The following RAP1A variants were observed in gnomAD, a reference collection of about 807,000 sequenced individuals.
RAP1A encodes the protein ras-related protein Rap-1A.
A neutral mutation model predicts 26.4 loss-of-function variants in RAP1A; 6 were observed. The observed-to-expected ratio is 0.23, with a 90% CI of 0.12 to 0.45. The LOEUF is 0.45. Among genes scored for constraint, RAP1A ranks in the 20% least tolerant of loss-of-function variants. RAP1A has a pLI of 0.99. For missense variants in RAP1A, 121 were observed against 217.2 expected, an observed-to-expected ratio of 0.56 and a Z score of 2.78; for synonymous variants, 73 against 79.4, an observed-to-expected ratio of 0.92 and a Z score of 0.43.
At chr1:111,638,601 T>A (rs1437507735) in intron 1 of RAP1A, among the ~76,000 whole-genome samples, 1 of 152,158 alleles carries the variant, frequency 6.6e-6, no homozygotes, top group African/African-American at 2.4e-5. Flanking sequence ...ACTTTTTGTA[T>A]TTTTTGTAGA....
intron 6 of RAP1A, among the ~76,000 whole-genome samples, chr1:111,708,599 A>C (rs758610433): frequency 6.6e-6 from 1 of 152,218 alleles, no homozygotes; most frequent in Admixed American, 6.5e-5. Flanking sequence ...ACAAAATTGG[A>C]ATTTGCTCTG....
At chr1:111,653,533 GA>G (rs1660345828) in intron 1 of RAP1A, among the ~76,000 whole-genome samples, 1 of 151,654 alleles carries the variant, frequency 6.6e-6, no homozygotes, top group African/African-American at 2.4e-5. Context: ...AAATACAAAA[GA>G]TTAGCTGGGC....
intron 1 of RAP1A, chr1:111,627,396 T>C (rs1399697023): frequency 4.6e-5 from 7 of 152,182 alleles, no homozygotes; most frequent in Non-Finnish European, 1.0e-4. Context: ...ATTACTGTTT[T>C]AAATAACACT....
intron 1 of RAP1A, among the ~76,000 whole-genome samples, chr1:111,584,198 C>T (rs541525011): frequency 6.6e-6 from 1 of 152,120 alleles, no homozygotes; most frequent in Non-Finnish European, 1.5e-5. Flanking sequence ...GATATTTCAA[C>T]TGTGAATGTC....
intron 1 of RAP1A, among the ~76,000 whole-genome samples, chr1:111,635,857 G>A (rs1231302938): frequency 6.6e-6 from 1 of 152,104 alleles, no homozygotes; most frequent in Non-Finnish European, 1.5e-5. Context: ...ACAGGTGTGA[G>A]CCACTGTGCC....
In RAP1A at chr1:111,713,069, A is replaced by T. The variant is rs1027623297; in HGVS notation, c.*668A>T. On this transcript the variant is annotated 3_prime_UTR_variant, in exon 8 of 8. Coordinates refer to ENST00000369709, the MANE Select transcript of RAP1A (RefSeq NM_002884.4). ...ATTGCTTCTTGTGTTTTACTGTCAGATTAAATTACAGCTTTTATGGATGAT... is the reference window on the plus strand; with the variant it reads ...ATTGCTTCTTGTGTTTTACTGTCAGTTTAAATTACAGCTTTTATGGATGAT... 6.6e-6 allele frequency: 1 copy of T among 152,600 alleles called. No individual in the cohort carries two copies. Among genetic ancestry groups the T allele is most frequent in the East Asian group, 1.9e-4 (1 of 5,204 alleles). 9.5% of individuals were successfully genotyped at this position (152,600 alleles called of 1,614,324 possible).
At chr1:111,611,364 A>C (rs573763801) in intron 1 of RAP1A, among the ~76,000 whole-genome samples, 5 of 152,326 alleles carry the variant, frequency 3.3e-5, no homozygotes, top group African/African-American at 1.2e-4. Flanking sequence ...TTTATACCAT[A>C]AATAGTGAGT....
At position 111,697,496 on chromosome 1, in the gene RAP1A, C is replaced by T; in HGVS notation, c.182C>T (p.Thr61Ile). 6.2e-7 allele frequency: 1 copy of T among 1,611,626 alleles called. No homozygotes were observed. Among genetic ancestry groups the T allele is most frequent in the African/African-American group, 1.3e-5 (1 of 74,644 alleles). The change falls in exon 4 of 8, where the codon ACA (threonine) becomes ATA (isoleucine). Residue 61 changes from threonine to isoleucine, a missense_variant and splice_region_variant. By Grantham distance (89) the Thr-to-Ile change is moderately conservative. Coordinates refer to ENST00000369709, the MANE Select transcript of RAP1A (RefSeq NM_002884.4). ...CMLEILDTAG[T>I]EQFTAMRDLY... ...CTCGAAATCCTGGATACTGCAGGGA[C>T]AGTAAGGATGTTTTCTCTTTTTTTG... is the stretch of plus-strand genomic sequence containing the variant.
intron 1 of RAP1A, among the ~76,000 whole-genome samples, chr1:111,660,945 A>G (rs1660616448): frequency 6.6e-6 from 1 of 152,200 alleles, no homozygotes; most frequent in Non-Finnish European, 1.5e-5. Context: ...GTTTACTCAA[A>G]CATCACTCTT....
intron 1 of RAP1A, among the ~76,000 whole-genome samples, chr1:111,611,436 A>G (rs1658925102): frequency 6.6e-6 from 1 of 152,248 alleles, no homozygotes; most frequent in African/African-American, 2.4e-5. Flanking sequence ...AGAAGGGAAT[A>G]AAAAGCTCCA....
intron 2 of RAP1A, among the ~76,000 whole-genome samples, chr1:111,692,146 A>G (rs1475154082): frequency 6.6e-6 from 1 of 152,182 alleles, no homozygotes; most frequent in Non-Finnish European, 1.5e-5. Context: ...GAACTGACAT[A>G]ACTTGGTGCT....
At chr1:111,700,030 C>T (rs142599634) in intron 4 of RAP1A, among the ~76,000 whole-genome samples, 1 of 152,270 alleles carries the variant, frequency 6.6e-6, no homozygotes, top group East Asian at 1.9e-4. Flanking sequence ...TCCTCTGTCT[C>T]ATTGGTTACT....
chr1:111,618,241 T>C (rs1186635970), upstream of RAP1A, among the ~76,000 whole-genome samples: 1 of 152,166 alleles, frequency 6.6e-6, no homozygotes, highest in East Asian at 1.9e-4. Flanking sequence ...TTCTCCCCTA[T>C]GACTCCACTG....
chr1:111,611,147 T>A (rs947350523), intron 1 of RAP1A, among the ~76,000 whole-genome samples: 2 of 152,312 alleles, frequency 1.3e-5, no homozygotes, highest in East Asian at 3.9e-4. Context: ...TAACAAAACC[T>A]CTTTCTAAGA....
At chr1:111,590,383 A>G (rs1307233390) in intron 1 of RAP1A, among the ~76,000 whole-genome samples, 1 of 152,202 alleles carries the variant, frequency 6.6e-6, no homozygotes, top group Non-Finnish European at 1.5e-5. Flanking sequence ...TTTAACCATT[A>G]AGCATGCATA....
At chr1:111,583,114 C>T (rs982437366) in intron 1 of RAP1A, among the ~76,000 whole-genome samples, 2 of 152,124 alleles carry the variant, frequency 1.3e-5, no homozygotes, top group African/African-American at 4.8e-5. Flanking sequence ...GGCTGACAGG[C>T]ACAGATCACC....
chr1:111,581,929 G>A (rs1461181252), intron 1 of RAP1A, among the ~76,000 whole-genome samples: 1 of 152,198 alleles, frequency 6.6e-6, no homozygotes, highest in Admixed American at 6.5e-5. Context: ...ACTCTGGTGA[G>A]TGAGATATTA....
intron 7 of RAP1A, 48 bp downstream of exon 7, chr1:111,709,312 G>A: frequency 2.7e-6 from 4 of 1,497,224 alleles, no homozygotes; most frequent in Non-Finnish European, 3.6e-6. Flanking sequence ...CTCCTATTTT[G>A]GCTTTTTCCA....
intron 1 of RAP1A, chr1:111,563,821 A>G: frequency 1.3e-6 from 2 of 1,590,186 alleles, no homozygotes; most frequent in Non-Finnish European, 1.7e-6. Flanking sequence ...GCCTCCCAGC[A>G]GCTATATTTT....
Sources: allele counts gnomAD v4.1 joint callset (sites outside exome capture counted in the v4.1 genomes callset), GRCh38; gene constraint gnomAD v4.1.1; transcripts MANE v1.5; gene names NCBI Gene and HGNC (gene_info 2026-07-23, HGNC 2026-07-21).